ANO1: variants seen among roughly 807,000 people sequenced by gnomAD.
ANO1 encodes anoctamin 1.
A neutral mutation model predicts 124.0 loss-of-function variants in ANO1; 59 were observed. That is an observed-to-expected ratio of 0.48 (90% confidence interval 0.39 to 0.59). The LOEUF is 0.59. ANO1 is among the 20% of genes least tolerant of loss of function. The pLI is 0.00. For synonymous variants in ANO1, 529 were observed against 532.0 expected (o/e 0.99, Z 0.08); for missense variants, 1,059 against 1,328.0 (o/e 0.80, Z 3.15).
At chr11:69,971,321 G>A in the ANO1 span, among the ~76,000 whole-genome samples, 2 of 152,308 alleles carry the variant, frequency 1.3e-5, no homozygotes, top group African/African-American at 2.4e-5. Context: ...GCCTCATGGA[G>A]CTTTCTAGAT....
chr11:69,985,671 C>G (rs1554996783), upstream of ANO1, among the ~76,000 whole-genome samples: 1 of 152,182 alleles, frequency 6.6e-6, no homozygotes, highest in Non-Finnish European at 1.5e-5. Flanking sequence ...ACTGCCCGCC[C>G]CAACTGATAA....
chr11:70,165,503 A>G lies in ANO1; in HGVS notation c.1984A>G (p.Ile662Val), dbSNP rs775427645. 8 of 1,611,958 alleles carry G rather than the reference A, an allele frequency of 5.0e-6. No individual in the cohort carries two copies. The highest frequency in any genetic ancestry group is 2.5e-6 in the Non-Finnish European group (3 of 1,179,242). Reference protein sequence around the residue: ...APGGCLMELCIQLSIIMLGKQ... With the variant: ...APGGCLMELCVQLSIIMLGKQ... The stretch of plus-strand genomic sequence containing the variant: ...AGGGGGCTGCCTGATGGAGCTATGC[A>G]TCCAGCTCAGCATCATCATGCTGGG... The change falls in exon 20 of 26, where the codon ATC (isoleucine) becomes GTC (valine). Residue 662 changes from isoleucine (I) to valine (V), a missense_variant. Physicochemically the swap from Ile to Val is conservative, Grantham distance 29 (BLOSUM62 3). Transcript: ENST00000355303.
chr11:70,065,598 G>C (rs1156807167), intron 1 of ANO1, among the ~76,000 whole-genome samples: 8 of 151,114 alleles, frequency 5.3e-5, no homozygotes, highest in Middle Eastern at 6.9e-3. Flanking sequence ...AGTTGGCCTG[G>C]CCCTCCCAAC....
At chr11:70,078,964 G>C (rs1204212464) in intron 1 of ANO1, among the ~76,000 whole-genome samples, 1 of 151,960 alleles carries the variant, frequency 6.6e-6, no homozygotes, top group Non-Finnish European at 1.5e-5. Flanking sequence ...GCAGCGCCGG[G>C]CCCCCAGGCA....
chr11:70,120,927 G>T (rs1273506360), intron 8 of ANO1, among the ~76,000 whole-genome samples: 2 of 152,164 alleles, frequency 1.3e-5, no homozygotes, highest in African/African-American at 4.8e-5. Context: ...CTGCTCACCG[G>T]GGCTAAGGTG....
chr11:70,163,174 G>A (rs865860513), intron 18 of ANO1, 109 bp from the exon 19 acceptor site: 4 of 1,170,310 alleles, frequency 3.4e-6, no homozygotes, highest in South Asian at 3.1e-5. Context: ...AGATACCCTC[G>A]AGGCTCAGCC....
chr11:70,167,540 G>C (rs2048303478), intron 21 of ANO1, among the ~76,000 whole-genome samples, 153 bp downstream of exon 21: 1 of 152,212 alleles, frequency 6.6e-6, no homozygotes, highest in African/African-American at 2.4e-5. Flanking sequence ...GAGAGATGCA[G>C]ACCCTGGGAT....
intron 9 of ANO1, among the ~76,000 whole-genome samples, chr11:70,125,807 G>A (rs907824494): frequency 1.4e-4 from 21 of 149,550 alleles, no homozygotes; most frequent in Middle Eastern, 7.0e-3. Context: ...TAGCGCCACT[G>A]CACTCCAGCC....
intron 1 of ANO1, among the ~76,000 whole-genome samples, chr11:70,008,103 G>A (rs1856526328): frequency 1.4e-5 from 2 of 139,562 alleles, no homozygotes; most frequent in African/African-American, 5.7e-5. Context: ...TAAAATCAGA[G>A]TATTTGATTT....
At chr11:70,173,906 C>T (rs1446461034) in intron 22 of ANO1, among the ~76,000 whole-genome samples, 1 of 151,594 alleles carries the variant, frequency 6.6e-6, no homozygotes, top group Non-Finnish European at 1.5e-5. Context: ...CAAAAATTAG[C>T]TGGGCATGCA....
At position 70,010,164 on chromosome 11, in the gene ANO1, TGC is replaced by T. The variant is rs143133261; in HGVS notation, c.58+24002_58+24003del. ...GTGTGTGTGTGTGTGTGTGTGTGTG[TGC>T]GCGTGTGTGTGTGTATATATATATA... On this transcript the variant is annotated intron_variant, in intron 1 of 27. Transcript: ENST00000531349. 6.8e-3 allele frequency among the ~76,000 whole-genome samples: 415 copies of T among 60,844 alleles called. 8 individuals are homozygous for T. The highest frequency in any genetic ancestry group is 9.3e-3 in the Non-Finnish European group (269 of 28,968). 39.9% of individuals were successfully genotyped at this position (60,844 alleles called of 152,430 possible).
chr11:70,168,361 G>T (rs1331370067), intron 21 of ANO1, among the ~76,000 whole-genome samples: 1 of 152,124 alleles, frequency 6.6e-6, no homozygotes, highest in African/African-American at 2.4e-5. Flanking sequence ...CAACAGAGGG[G>T]TCTTCCCTGA....
At chr11:70,080,833 A>G (rs2135179201) in intron 1 of ANO1, among the ~76,000 whole-genome samples, 1 of 152,338 alleles carries the variant, frequency 6.6e-6, no homozygotes, top group South Asian at 2.1e-4. Flanking sequence ...GTAGATGGCC[A>G]GACAGGCTGG....
chr11:70,018,870 G>A (rs1324757785), intron 1 of ANO1, among the ~76,000 whole-genome samples: 1 of 152,214 alleles, frequency 6.6e-6, no homozygotes, highest in African/African-American at 2.4e-5. Flanking sequence ...GCTAAGTGCT[G>A]GGCATGGAGC....
intron 1 of ANO1, among the ~76,000 whole-genome samples, chr11:70,028,600 T>C (rs1392745609): frequency 2.6e-5 from 4 of 151,998 alleles, no homozygotes; most frequent in African/African-American, 9.7e-5. Context: ...GTCTTCAGGC[T>C]CCCCAACCCC....
intron 18 of ANO1, 51 bp downstream of exon 18, chr11:70,161,784 G>C (rs2048053684): frequency 1.9e-6 from 3 of 1,573,654 alleles, no homozygotes; most frequent in African/African-American, 1.4e-5. Flanking sequence ...AGGTCCAGGA[G>C]AGGGCTCTCC....
At position 70,035,520 on chromosome 11, in the gene ANO1, C is replaced by CTATATA. The variant is rs34200982; in HGVS notation, c.59-43009_59-43004dup. Reference sequence around the variant, plus strand: ...TAACTGGTAGCCCAGTAAGCTGTTGCTATATATATATATATATACTTTAAG... The same window carrying CTATATA: ...TAACTGGTAGCCCAGTAAGCTGTTGCTATATATATATATATATATATATACTTTAAG... On this transcript the variant is annotated intron_variant, in intron 1 of 27. Transcript: ENST00000531349. Among the ~76,000 whole-genome samples the CTATATA allele has an allele frequency of 1.6e-3, 242 of 147,740 alleles. 2 individuals are homozygous for CTATATA. Among genetic ancestry groups the CTATATA allele is most frequent in the East Asian group, 4.3e-3 (20 of 4,604 alleles).
intron 2 of ANO1, among the ~76,000 whole-genome samples, chr11:70,102,182 G>A (rs1234451197): frequency 6.6e-6 from 1 of 152,232 alleles, no homozygotes; most frequent in Non-Finnish European, 1.5e-5. Context: ...GGGAGTCAGG[G>A]CAGTGCTGCC....
intron 1 of ANO1, chr11:70,085,276 A>T (rs2044327543): frequency 9.5e-7 from 1 of 1,058,042 alleles, no homozygotes; most frequent in African/African-American, 1.6e-5. Context: ...GGGGCTGGGC[A>T]TGGGAACCCA....
Sources: allele counts gnomAD v4.1 joint callset (sites outside exome capture counted in the v4.1 genomes callset), GRCh38; gene constraint gnomAD v4.1.1; transcripts MANE v1.5; gene names NCBI Gene and HGNC (gene_info 2026-07-23, HGNC 2026-07-21).